Variants in MAGI1 observed in about 807,000 individuals in gnomAD.
MAGI1 encodes membrane-associated guanylate kinase, WW and PDZ domain-containing protein 1.
Under a neutral mutation model 139.9 loss-of-function variants are expected in MAGI1, and 58 were observed. The ratio of observed to expected loss-of-function variants is 0.41; its 90% CI spans 0.34 to 0.52. The LOEUF (loss-of-function observed/expected upper bound fraction) is 0.52. MAGI1 is among the 20% of genes least tolerant of loss of function. MAGI1 has a pLI of 0.12. For missense variants in MAGI1, 1,874 were observed against 1,901.6 expected, an observed-to-expected ratio of 0.99 and a Z score of 0.27; for synonymous variants, 812 against 737.9, an observed-to-expected ratio of 1.10 and a Z score of -1.63.
chr3:65,565,808 G>A (rs370790496), intron 2 of MAGI1, among the ~76,000 whole-genome samples: 4 of 143,660 alleles, frequency 2.8e-5, no homozygotes, highest in South Asian at 2.2e-4. Context: ...AGTGAGCCAC[G>A]ATCGCATCAC....
rs57460083 is a variant in MAGI1, at chr3:65,852,979, CAAAA to C, written c.313+185013_313+185016del. On this transcript the variant is annotated intron_variant, in intron 1 of 22. Coordinates refer to ENST00000402939, the MANE Select transcript of MAGI1 (RefSeq NM_001033057.2). ...TGAAACCCCGTATCTACTAAAAATA[CAAAA>C]AAAAAAAAAAAAAAAATTAGCCGGG... 1.9e-4 allele frequency among the ~76,000 whole-genome samples: 20 copies of C among 104,260 alleles called. 1 individual carries two copies. The highest frequency in any genetic ancestry group is 4.9e-4 in the African/African-American group (17 of 34,602). The allele number at this position is 104,260 out of a possible 152,430, so 68.4% of individuals were successfully genotyped here.
rs542928737 is a variant in MAGI1, at chr3:65,740,653, C to T, written c.314-118565G>A. Reference sequence around the variant, plus strand: ...TTAATTACTGTTCATTATTTTGCATCGGTTAAGAAATAATCTACTCTCAAC... The same window carrying T: ...TTAATTACTGTTCATTATTTTGCATTGGTTAAGAAATAATCTACTCTCAAC... On this transcript the variant is annotated intron_variant, in intron 1 of 22. Coordinates refer to ENST00000402939, the MANE Select transcript of MAGI1 (RefSeq NM_001033057.2). Among the ~76,000 whole-genome samples the T allele has an allele frequency of 2.0e-5, 3 of 152,270 alleles. No homozygotes were observed. In the South Asian group the frequency reaches 6.2e-4, roughly 32 times the overall value.
chr3:65,496,343 G>A (rs1952449493), intron 2 of MAGI1, among the ~76,000 whole-genome samples: 1 of 151,892 alleles, frequency 6.6e-6, no homozygotes, highest in African/African-American at 2.4e-5. Context: ...CACTCAGCTT[G>A]GTTTTCCTTT....
chr3:65,863,785 C>T lies in MAGI1; in HGVS notation c.313+174211G>A, dbSNP rs147037291. On this transcript the variant is annotated intron_variant, in intron 1 of 22. Coordinates refer to ENST00000402939, the MANE Select transcript of MAGI1 (RefSeq NM_001033057.2). Reference sequence around the variant, plus strand: ...ACTTGATACATAAATTATGGCATATCCATAAATTAAATATTATACATCTAT... The same window carrying T: ...ACTTGATACATAAATTATGGCATATTCATAAATTAAATATTATACATCTAT... Among the ~76,000 whole-genome samples, 393 of 152,262 alleles carry T rather than the reference C, an allele frequency of 2.6e-3. 4 individuals are homozygous for T. Among genetic ancestry groups the T allele is most frequent in the African/African-American group, 9.2e-3 (382 of 41,556 alleles).
At chr3:65,420,370 A>T (rs1160944471) in intron 12 of MAGI1, among the ~76,000 whole-genome samples, 1 of 151,558 alleles carries the variant, frequency 6.6e-6, no homozygotes, top group Non-Finnish European at 1.5e-5. Context: ...TTTCACCTCT[A>T]ATCTACAAGA....
At chr3:65,945,828 T>C (rs566115249) in intron 1 of MAGI1, among the ~76,000 whole-genome samples, 1 of 152,368 alleles carries the variant, frequency 6.6e-6, no homozygotes, top group Admixed American at 6.5e-5. Flanking sequence ...CTTAAACTTC[T>C]TTAAATTTAA....
chr3:65,700,820 A>C (rs2089549608), intron 1 of MAGI1, among the ~76,000 whole-genome samples: 1 of 152,222 alleles, frequency 6.6e-6, no homozygotes, highest in Admixed American at 6.5e-5. Context: ...CTGTTTCTTT[A>C]ATTGCTTCTA....
chr3:65,457,374 G>T (rs1949470370), intron 5 of MAGI1, among the ~76,000 whole-genome samples: 1 of 152,036 alleles, frequency 6.6e-6, no homozygotes, highest in Admixed American at 6.6e-5. Context: ...CACACAGCCT[G>T]TCTAACCACT....
chr3:65,862,931 T>C (rs2059602482), intron 1 of MAGI1, among the ~76,000 whole-genome samples: 1 of 152,254 alleles, frequency 6.6e-6, no homozygotes, highest in Non-Finnish European at 1.5e-5. Flanking sequence ...ACATTTGGTA[T>C]GTTCCCACTA....
intron 2 of MAGI1, among the ~76,000 whole-genome samples, chr3:65,610,868 ATAG>A (rs1400319846): frequency 7.1e-6 from 1 of 140,130 alleles, no homozygotes; most frequent in African/African-American, 2.6e-5. Flanking sequence ...TATACACTAT[ATAG>A]TAGATAGTAA....
At chr3:65,970,844 G>C (rs2064983660) in intron 1 of MAGI1, among the ~76,000 whole-genome samples, 1 of 152,188 alleles carries the variant, frequency 6.6e-6, no homozygotes, top group Non-Finnish European at 1.5e-5. Flanking sequence ...AAAGAATAAT[G>C]AATACTTGCC....
intron 1 of MAGI1, among the ~76,000 whole-genome samples, chr3:65,919,425 G>C (rs1342242714): frequency 6.6e-6 from 1 of 151,798 alleles, no homozygotes; most frequent in African/African-American, 2.4e-5. Context: ...TTGGCCAGGA[G>C]TGGCGCACGC....
At chr3:65,763,449 G>A (rs919039589) in intron 1 of MAGI1, among the ~76,000 whole-genome samples, 1 of 152,100 alleles carries the variant, frequency 6.6e-6, no homozygotes, top group African/African-American at 2.4e-5. Flanking sequence ...AAAAAACTAG[G>A]AAGGTGAAGG....
chr3:65,696,642 A>G (rs1312808229), intron 1 of MAGI1, among the ~76,000 whole-genome samples: 1 of 152,136 alleles, frequency 6.6e-6, no homozygotes. Flanking sequence ...CCTGCTAGAT[A>G]CCAAAAACAG....
chr3:65,361,026 G>C (rs1940802998), intron 22 of MAGI1, 173 bp downstream of exon 22: 4 of 1,489,602 alleles, frequency 2.7e-6, no homozygotes, highest in Non-Finnish European at 2.7e-6. Context: ...CAAGCAAAAG[G>C]ATGAAATGTG....
intron 22 of MAGI1, chr3:65,359,591 G>C (rs1940587498): frequency 3.0e-6 from 3 of 994,948 alleles, no homozygotes; most frequent in Non-Finnish European, 3.6e-6. Flanking sequence ...CAGAGAAGCA[G>C]GTTCCAATCA....
At chr3:65,384,283 A>G (rs1173767882) in intron 14 of MAGI1, among the ~76,000 whole-genome samples, 3 of 152,242 alleles carry the variant, frequency 2.0e-5, no homozygotes, top group African/African-American at 7.2e-5. Flanking sequence ...CTTAGATTCA[A>G]CCAATCACAG....
intron 2 of MAGI1, among the ~76,000 whole-genome samples, chr3:65,546,692 C>T (rs2079523574): frequency 6.6e-6 from 1 of 152,110 alleles, no homozygotes; most frequent in Non-Finnish European, 1.5e-5. Flanking sequence ...TTTTAACAGC[C>T]TATGAAGAAA....
intron 6 of MAGI1, among the ~76,000 whole-genome samples, chr3:65,452,378 G>A (rs1368635692): frequency 4.6e-5 from 7 of 152,094 alleles, no homozygotes; most frequent in Non-Finnish European, 1.0e-4. Flanking sequence ...ACTATAGGAC[G>A]AATAATAAAG....
Sources: allele counts gnomAD v4.1 joint callset (sites outside exome capture counted in the v4.1 genomes callset), GRCh38; gene constraint gnomAD v4.1.1; transcripts MANE v1.5; gene names NCBI Gene and HGNC (gene_info 2026-07-23, HGNC 2026-07-21).